Variants in PDE1C observed in about 807,000 individuals in gnomAD.
PDE1C encodes the protein phosphodiesterase 1C.
A neutral mutation model predicts 93.1 loss-of-function variants in PDE1C; 62 were observed. The observed-to-expected ratio is 0.67, with a 90% CI of 0.54 to 0.82. The LOEUF is 0.82. PDE1C is among the 40% of genes least tolerant of loss of function. The pLI is 0.00. For missense variants in PDE1C, 742 were observed against 884.6 expected (o/e 0.84, Z 2.04); for synonymous variants, 325 against 310.1 (o/e 1.05, Z -0.50).
Position 32,359,591 on chromosome 7 carries a change from G to A in PDE1C, c.310+68231C>T, listed in dbSNP as rs566978861. Among the ~76,000 whole-genome samples the A allele has an allele frequency of 1.1e-4, 16 of 152,292 alleles. No individual in the cohort carries two copies. In the South Asian group the frequency reaches 2.1e-3, roughly 20 times the overall value. On this transcript the variant is annotated intron_variant, in intron 1 of 1. Coordinates refer to the PDE1C transcript ENST00000672256. ...TTATTGAGTGAATAAACACATGCAC[G>A]CATGAATCCAGCTCCAAAGCTTGCA...
intron 11 of PDE1C, among the ~76,000 whole-genome samples, chr7:31,834,486 G>T (rs760563269): frequency 6.6e-6 from 1 of 152,206 alleles, no homozygotes; most frequent in South Asian, 2.1e-4. Context: ...AAGACCATGA[G>T]AACCCATCTC....
intron 2 of PDE1C, among the ~76,000 whole-genome samples, chr7:31,985,443 T>G (rs1783251656): frequency 6.6e-6 from 1 of 152,192 alleles, no homozygotes; most frequent in Admixed American, 6.5e-5. Context: ...GTTATTATAC[T>G]TTAAGTTCTA....
intron 16 of PDE1C, among the ~76,000 whole-genome samples, chr7:31,797,861 TA>T (rs988830139): frequency 1.3e-5 from 2 of 151,682 alleles, no homozygotes; most frequent in Non-Finnish European, 2.9e-5. Flanking sequence ...TCCAAGATAT[TA>T]ACACATCTCA....
Position 32,420,138 on chromosome 7 carries a change from C to T in PDE1C, c.310+7684G>A, listed in dbSNP as rs1304190170. 2.9e-3 allele frequency among the ~76,000 whole-genome samples: 85 copies of T among 28,942 alleles called. 3 individuals carry two copies. The highest frequency in any genetic ancestry group is 4.1e-3 in the African/African-American group (43 of 10,584). 19.0% of individuals were successfully genotyped at this position (28,942 alleles called of 152,430 possible). On this transcript the variant is annotated intron_variant, in intron 1 of 1. Transcript: ENST00000672256. ...ATATATATATATACACACACACACA[C>T]ACACACACACACACACACACATATA...
intron 1 of PDE1C, among the ~76,000 whole-genome samples, chr7:32,402,598 G>A (rs1784970982): frequency 6.6e-6 from 1 of 152,136 alleles, no homozygotes; most frequent in Admixed American, 6.5e-5. Flanking sequence ...TGATTCAAAT[G>A]CCAATCTCTT....
chr7:31,639,727 G>A, the PDE1C span, among the ~76,000 whole-genome samples: 8 of 151,758 alleles, frequency 5.3e-5, no homozygotes, highest in South Asian at 2.1e-4. Context: ...TAGTAGAGAC[G>A]GGGTTTCACT....
At chr7:32,333,246 T>C (rs929734264) in intron 1 of PDE1C, among the ~76,000 whole-genome samples, 1 of 152,202 alleles carries the variant, frequency 6.6e-6, no homozygotes, top group South Asian at 2.1e-4. Flanking sequence ...TCTGAACATT[T>C]TTCCAAGTTT....
At chr7:32,209,892 C>T (rs1026815899) in intron 1 of PDE1C, among the ~76,000 whole-genome samples, 4 of 152,206 alleles carry the variant, frequency 2.6e-5, no homozygotes, top group African/African-American at 9.6e-5. Context: ...CCCCAAGAGT[C>T]CTCTAACAGT....
At chr7:31,962,297 A>G (rs944969836) in intron 2 of PDE1C, among the ~76,000 whole-genome samples, 7 of 152,196 alleles carry the variant, frequency 4.6e-5, no homozygotes, top group Non-Finnish European at 1.0e-4. Flanking sequence ...AAACAAGTTC[A>G]CTATGACTGT....
chr7:31,746,922 C>G (rs905049210), downstream of PDE1C, among the ~76,000 whole-genome samples: 10 of 152,104 alleles, frequency 6.6e-5, no homozygotes, highest in Non-Finnish European at 1.3e-4. Flanking sequence ...TGCATGGAGG[C>G]CAGAGGTCCA....
At chr7:32,330,333 T>C (rs992283853) in intron 1 of PDE1C, among the ~76,000 whole-genome samples, 16 of 152,224 alleles carry the variant, frequency 1.1e-4, no homozygotes, top group African/African-American at 3.6e-4. Context: ...TGCTGGTAAG[T>C]TTTGCCTTGG....
intron 1 of PDE1C, among the ~76,000 whole-genome samples, chr7:32,422,217 G>A (rs1296580921): frequency 2.0e-5 from 3 of 152,176 alleles, no homozygotes; most frequent in Admixed American, 6.5e-5. Context: ...AGGGACACAC[G>A]TTGCAGGTGC....
intron 1 of PDE1C, among the ~76,000 whole-genome samples, chr7:32,404,048 GACTA>G (rs997651273): frequency 1.3e-5 from 2 of 152,092 alleles, no homozygotes; most frequent in African/African-American, 2.4e-5. Context: ...TTAGCCCAAC[GACTA>G]ACTGCCTGGG....
intron 3 of PDE1C, among the ~76,000 whole-genome samples, chr7:32,165,937 A>G (rs1195373011): frequency 6.6e-6 from 1 of 152,026 alleles, no homozygotes. Flanking sequence ...GAGCCCAACA[A>G]TCTGTTTTAA....
intron 3 of PDE1C, among the ~76,000 whole-genome samples, chr7:32,126,249 AT>A (rs750716127): frequency 2.0e-5 from 3 of 152,158 alleles, no homozygotes; most frequent in Non-Finnish European, 2.9e-5. Flanking sequence ...AGATAGATTC[AT>A]TTAAATATCA....
chr7:32,387,638 C>CG (rs1784659474), intron 1 of PDE1C, among the ~76,000 whole-genome samples: 1 of 149,408 alleles, frequency 6.7e-6, no homozygotes, highest in African/African-American at 2.5e-5. Flanking sequence ...GGCTGATCCC[C>CG]CCACCTCCCT....
chr7:32,319,759 G>C (rs538691013), intron 1 of PDE1C, among the ~76,000 whole-genome samples: 2 of 152,162 alleles, frequency 1.3e-5, no homozygotes, highest in African/African-American at 4.8e-5. Context: ...AACAGCGACC[G>C]CTCTGGGTAT....
chr7:32,308,036 T>G (rs13224730), intron 1 of PDE1C, among the ~76,000 whole-genome samples: 18,092 of 152,272 alleles, frequency 0.12, 1,180 homozygotes, highest in East Asian at 0.18. Context: ...ACCCTAATAC[T>G]GCACTTTTCC....
intron 3 of PDE1C, among the ~76,000 whole-genome samples, chr7:32,088,912 A>T (rs1460609883): frequency 6.6e-6 from 1 of 152,266 alleles, no homozygotes; most frequent in African/African-American, 2.4e-5. Context: ...AAGAGAGAAT[A>T]CCCTTCTTGC....
Sources: gnomAD v4.1 joint callset for allele counts (sites outside exome capture counted in the v4.1 genomes callset) on GRCh38, gnomAD v4.1.1 for gene constraint, MANE v1.5 for transcripts, NCBI Gene and HGNC (gene_info 2026-07-23, HGNC 2026-07-21) for gene names.